The following PARD3B variants were observed in gnomAD, a reference collection of about 807,000 sequenced individuals.
PARD3B encodes par-3 family cell polarity regulator beta.
In PARD3B, 103 loss-of-function variants were observed where a neutral mutation model predicts 130.2. The observed-to-expected ratio is 0.79, with a 90% CI of 0.67 to 0.93. The LOEUF (loss-of-function observed/expected upper bound fraction) is 0.93, where lower values mean the gene tolerates loss of function less well. PARD3B is among the 40% of genes least tolerant of loss of function. PARD3B has a pLI of 0.00. For synonymous variants in PARD3B, 583 were observed against 553.2 expected (o/e 1.05, Z -0.76); for missense variants, 1,609 against 1,499.2 (o/e 1.07, Z -1.21).
intron 1 of PARD3B, among the ~76,000 whole-genome samples, chr2:204,684,700 G>A (rs1459136963): frequency 6.6e-6 from 1 of 152,156 alleles, no homozygotes; most frequent in East Asian, 1.9e-4. Flanking sequence ...TGAGAGTTGT[G>A]TGTCTTTCTT....
intron 22 of PARD3B, among the ~76,000 whole-genome samples, chr2:205,571,695 G>A (rs2053567103): frequency 6.6e-6 from 1 of 152,028 alleles, no homozygotes; most frequent in African/African-American, 2.4e-5. Flanking sequence ...AAGAGCAGTT[G>A]GTACAATATG....
At chr2:205,299,926 C>T (rs904109419) in intron 16 of PARD3B, among the ~76,000 whole-genome samples, 32 of 152,274 alleles carry the variant, frequency 2.1e-4, no homozygotes, top group African/African-American at 7.7e-4. Flanking sequence ...AGTTACCATA[C>T]ATTAATAGCC....
chr2:205,351,677 G>A lies in PARD3B; in HGVS notation c.2631-49336G>A, dbSNP rs1334152059. Among the ~76,000 whole-genome samples, 4 of 152,190 alleles carry A rather than the reference G, an allele frequency of 2.6e-5. No homozygotes were observed. The highest frequency in any genetic ancestry group is 7.2e-5 in the African/African-American group (3 of 41,438). On this transcript the variant is annotated intron_variant, in intron 18 of 22. Coordinates refer to ENST00000406610, the MANE Select transcript of PARD3B (RefSeq NM_001302769.2). This position sits in a 1 kb window ranked among gnomAD's most constrained non-coding sequence, Gnocchi z 4.2. ...ATTGGAGGCAGTTATTTCATTTCCG[G>A]TGATGTTTTCTGATTCTCTATATGA...
At chr2:204,576,555 C>T (rs947367394) in intron 1 of PARD3B, among the ~76,000 whole-genome samples, 2 of 151,984 alleles carry the variant, frequency 1.3e-5, no homozygotes, top group African/African-American at 4.8e-5. Context: ...AATAAAATAA[C>T]TCCTCTAATG....
chr2:205,331,843 C>T (rs868389964), intron 18 of PARD3B, among the ~76,000 whole-genome samples: 1 of 143,776 alleles, frequency 7.0e-6, no homozygotes, highest in Admixed American at 7.0e-5. Flanking sequence ...CACAGTGGCT[C>T]ATGCCTGTAA....
chr2:205,375,001 C>T (rs774256670), intron 18 of PARD3B, among the ~76,000 whole-genome samples: 1 of 152,114 alleles, frequency 6.6e-6, no homozygotes, highest in Non-Finnish European at 1.5e-5. Context: ...ATTTTAATAG[C>T]ACTTTATGGT....
intron 1 of PARD3B, among the ~76,000 whole-genome samples, chr2:204,586,639 T>C (rs570878723): frequency 2.0e-5 from 3 of 152,308 alleles, no homozygotes; most frequent in Non-Finnish European, 4.4e-5. Flanking sequence ...AGAAAGAACA[T>C]GTAGGTCTCG....
At chr2:204,692,840 G>A (rs962944376) in intron 2 of PARD3B, among the ~76,000 whole-genome samples, 2 of 152,016 alleles carry the variant, frequency 1.3e-5, no homozygotes, top group African/African-American at 4.8e-5. Flanking sequence ...GTAGAATCAT[G>A]GATCCAAACA....
intron 3 of PARD3B, among the ~76,000 whole-genome samples, chr2:205,014,648 T>A (rs1695983796): frequency 6.6e-6 from 1 of 152,220 alleles, no homozygotes; most frequent in Non-Finnish European, 1.5e-5. Context: ...ATTGAGCATC[T>A]CTTCTGTGTT....
At chr2:205,521,747 TG>T in intron 21 of PARD3B, among the ~76,000 whole-genome samples, 1 of 151,712 alleles carries the variant, frequency 6.6e-6, no homozygotes, top group African/African-American at 2.4e-5. Flanking sequence ...TAAGTACGTT[TG>T]TTTTTTTGTT....
intron 16 of PARD3B, among the ~76,000 whole-genome samples, chr2:205,266,382 G>T (rs2040505402): frequency 6.6e-6 from 1 of 152,088 alleles, no homozygotes; most frequent in Non-Finnish European, 1.5e-5. Context: ...AAATGAAAAT[G>T]AATTCTGTTT....
At chr2:204,992,038 T>C (rs1693752123) in intron 3 of PARD3B, among the ~76,000 whole-genome samples, 1 of 152,124 alleles carries the variant, frequency 6.6e-6, no homozygotes, top group Admixed American at 6.5e-5. Context: ...GCCTGTTTAC[T>C]CTGATGGTAG....
chr2:205,334,982 A>T (rs2043258261), intron 18 of PARD3B, among the ~76,000 whole-genome samples: 1 of 152,200 alleles, frequency 6.6e-6, no homozygotes, highest in African/African-American at 2.4e-5. Flanking sequence ...AAATCATTTT[A>T]TCTTGAAGTT....
At chr2:205,357,146 C>A (rs1054026358) in intron 18 of PARD3B, among the ~76,000 whole-genome samples, 3 of 152,182 alleles carry the variant, frequency 2.0e-5, no homozygotes, top group Non-Finnish European at 4.4e-5. Context: ...AAAGTATTGA[C>A]TACCTGCTAT....
intron 1 of PARD3B, among the ~76,000 whole-genome samples, chr2:204,549,867 G>A (rs942414641): frequency 5.3e-5 from 8 of 152,058 alleles, no homozygotes; most frequent in Admixed American, 2.0e-4. Context: ...TTTACAGAAA[G>A]TGAATTTATT....
intron 2 of PARD3B, among the ~76,000 whole-genome samples, chr2:204,896,630 T>C (rs2046651380): frequency 6.6e-6 from 1 of 152,240 alleles, no homozygotes; most frequent in Admixed American, 6.5e-5. Context: ...ATGTTAGCAA[T>C]TAAAATCATC....
rs1198439413 is a variant in PARD3B, at chr2:204,979,715, C to T, written c.394+14392C>T. On this transcript the variant is annotated intron_variant, in intron 3 of 22. Coordinates refer to ENST00000406610, the MANE Select transcript of PARD3B (RefSeq NM_001302769.2). ...CAATGGAGTAGAATAGAAATTATAG[C>T]AATAGCCCCTCACAGATATAATCAT... Among the ~76,000 whole-genome samples the T allele has an allele frequency of 2.6e-5, 4 of 152,122 alleles. No individual in the cohort carries two copies. In the East Asian group the frequency reaches 7.7e-4, roughly 29 times the overall value.
chr2:205,047,458 T>G, intron 3 of PARD3B, 123 bp from the exon 4 acceptor site: 2 of 578,932 alleles, frequency 3.5e-6, no homozygotes, highest in South Asian at 2.5e-5. Flanking sequence ...ACAAGCATCC[T>G]TAGAAATAGA....
intron 1 of PARD3B, among the ~76,000 whole-genome samples, chr2:204,627,983 G>A (rs1003730561): frequency 2.7e-4 from 22 of 82,750 alleles, no homozygotes; most frequent in Non-Finnish European, 6.0e-4. Context: ...GAGTTTTTTT[G>A]CGTTTTTTTT....
Sources: allele counts gnomAD v4.1 joint callset (sites outside exome capture counted in the v4.1 genomes callset), GRCh38; gene constraint gnomAD v4.1.1; non-coding constraint Gnocchi (gnomAD v3.1); transcripts MANE v1.5; gene names NCBI Gene and HGNC (gene_info 2026-07-23, HGNC 2026-07-21).